Variants in MAP7 observed in about 807,000 individuals in gnomAD.
MAP7 encodes the protein microtubule associated protein 7.
A neutral mutation model predicts 94.8 loss-of-function variants in MAP7; 52 were observed. That is an observed-to-expected ratio of 0.55 (90% CI 0.44 to 0.69). The LOEUF (loss-of-function observed/expected upper bound fraction) is 0.69, where lower values mean the gene tolerates loss of function less well. MAP7 is among the 30% of genes least tolerant of loss of function. The probability of loss-of-function intolerance (pLI) is 0.00; values close to 1 mark genes in which losing one functional copy is unlikely to be tolerated. For missense variants in MAP7, 940 were observed against 964.6 expected (o/e 0.97, Z 0.34); for synonymous variants, 350 against 357.0 (o/e 0.98, Z 0.22).
At chr6:136,496,326 A>G (rs1431112135) in intron 1 of MAP7, among the ~76,000 whole-genome samples, 2 of 152,214 alleles carry the variant, frequency 1.3e-5, no homozygotes, top group East Asian at 3.8e-4. Flanking sequence ...GCATCCTCTC[A>G]CATCCCTCAT....
At chr6:136,493,306 A>T (rs929187602) in intron 1 of MAP7, among the ~76,000 whole-genome samples, 1 of 152,034 alleles carries the variant, frequency 6.6e-6, no homozygotes, top group African/African-American at 2.4e-5. Context: ...TATTTTTAGA[A>T]GAGACGGGGT....
chr6:136,392,574 T>C (rs1227236550), intron 3 of MAP7, among the ~76,000 whole-genome samples: 1 of 152,130 alleles, frequency 6.6e-6, no homozygotes, highest in East Asian at 1.9e-4. Context: ...TCCAGTATTT[T>C]AAGAATTCAG....
At chr6:136,371,929 G>C (rs1232195294) in intron 8 of MAP7, among the ~76,000 whole-genome samples, 1 of 152,154 alleles carries the variant, frequency 6.6e-6, no homozygotes, top group Non-Finnish European at 1.5e-5. Flanking sequence ...TTATAGCACA[G>C]CCTAACAGCC....
intron 1 of MAP7, among the ~76,000 whole-genome samples, chr6:136,529,986 TA>T (rs990347368): frequency 6.6e-6 from 1 of 152,176 alleles, no homozygotes; most frequent in Non-Finnish European, 1.5e-5. Flanking sequence ...TATAAAAGAC[TA>T]ACATGTAGTC....
At chr6:136,543,628 G>A (rs2129061215) in intron 1 of MAP7, among the ~76,000 whole-genome samples, 1 of 152,140 alleles carries the variant, frequency 6.6e-6, no homozygotes, top group East Asian at 1.9e-4. Flanking sequence ...ACTCCAGCCT[G>A]GGCAACAAGA....
chr6:136,524,068 C>T (rs1341752369), intron 1 of MAP7, among the ~76,000 whole-genome samples: 4 of 151,782 alleles, frequency 2.6e-5, no homozygotes, highest in Non-Finnish European at 4.4e-5. Context: ...GGTGAAACCC[C>T]GTCTCTACTA....
chr6:136,525,714 A>C (rs909888937), intron 1 of MAP7: 1 of 1,069,028 alleles, frequency 9.4e-7, no homozygotes, highest in South Asian at 1.8e-5. Flanking sequence ...CCGTGCTAGG[A>C]GGTCACAAGC....
At chr6:136,537,561 C>T (rs997713999) in intron 1 of MAP7, among the ~76,000 whole-genome samples, 1 of 152,110 alleles carries the variant, frequency 6.6e-6, no homozygotes, top group Non-Finnish European at 1.5e-5. Context: ...GGGTTTATTC[C>T]TAGTGTTAAG....
chr6:136,547,791 G>A (rs3799472), intron 1 of MAP7, among the ~76,000 whole-genome samples: 38,355 of 151,768 alleles, frequency 0.25, 5,981 homozygotes, highest in African/African-American at 0.43. Context: ...TAGGCCACAC[G>A]CCACCACTGT....
intron 3 of MAP7, among the ~76,000 whole-genome samples, chr6:136,400,108 T>C (rs1783636311): frequency 1.3e-5 from 2 of 152,282 alleles, no homozygotes; most frequent in South Asian, 4.1e-4. Context: ...AAAGTTTTTT[T>C]TTCTTTTTTA....
At chr6:136,409,707 A>G (rs960385104) in intron 3 of MAP7, among the ~76,000 whole-genome samples, 2 of 152,192 alleles carry the variant, frequency 1.3e-5, no homozygotes, top group African/African-American at 4.8e-5. Flanking sequence ...CCTGGCGCAT[A>G]CCCACTCACA....
At chr6:136,393,943 C>G (rs1157676503) in intron 3 of MAP7, among the ~76,000 whole-genome samples, 1 of 148,646 alleles carries the variant, frequency 6.7e-6, no homozygotes, top group African/African-American at 2.5e-5. Flanking sequence ...CCTGGCCTAG[C>G]ATTTCTTATG....
intron 2 of MAP7, among the ~76,000 whole-genome samples, chr6:136,415,098 C>T (rs1233657450): frequency 6.6e-6 from 1 of 152,038 alleles, no homozygotes; most frequent in African/African-American, 2.4e-5. Context: ...AGCCACCATG[C>T]CCGATCTCGG....
intron 1 of MAP7, among the ~76,000 whole-genome samples, chr6:136,519,675 A>G (rs1332979137): frequency 6.6e-6 from 1 of 152,228 alleles, no homozygotes; most frequent in African/African-American, 2.4e-5. Flanking sequence ...TGCAGGCTCC[A>G]GAAATACACA....
intron 1 of MAP7, chr6:136,526,023 T>C: frequency 6.8e-7 from 1 of 1,466,532 alleles, no homozygotes; most frequent in South Asian, 1.4e-5. Context: ...TATATGCTTA[T>C]GTAATTGCAG....
chr6:136,414,109 C>T (rs1430914297), intron 2 of MAP7, among the ~76,000 whole-genome samples: 1 of 151,230 alleles, frequency 6.6e-6, no homozygotes, highest in East Asian at 1.9e-4. Context: ...AAAAATTAGC[C>T]GGGCGTGGTA....
intron 1 of MAP7, among the ~76,000 whole-genome samples, chr6:136,491,879 T>C (rs1460962437): frequency 6.6e-6 from 1 of 152,198 alleles, no homozygotes; most frequent in Non-Finnish European, 1.5e-5. Flanking sequence ...TATAAATGCA[T>C]TAAGTCTACA....
chr6:136,360,153 C>CT (rs200986298), intron 13 of MAP7, 122 bp from the exon 14 acceptor site: 68,525 of 588,944 alleles, frequency 0.12, 344 homozygotes, highest in East Asian at 0.18. Flanking sequence ...ACAATATGCA[C>CT]TTTTTTTTTT....
chr6:136,532,082 G>T (rs1280375081), intron 1 of MAP7, among the ~76,000 whole-genome samples: 1 of 151,948 alleles, frequency 6.6e-6, no homozygotes, highest in East Asian at 1.9e-4. Context: ...TGTAAAAAAA[G>T]TTCAACTGGA....
Sources: allele counts gnomAD v4.1 joint callset (sites outside exome capture counted in the v4.1 genomes callset), GRCh38; gene constraint gnomAD v4.1.1; transcripts MANE v1.5; gene names NCBI Gene and HGNC (gene_info 2026-07-23, HGNC 2026-07-21).